THSD7B: variants seen among roughly 807,000 people sequenced by gnomAD.
THSD7B encodes the protein thrombospondin type-1 domain-containing protein 7B.
THSD7B carries 138 observed loss-of-function variants against 213.6 expected under a neutral mutation model. The observed-to-expected ratio is 0.65, with a 90% confidence interval of 0.56 to 0.74. The LOEUF (loss-of-function observed/expected upper bound fraction) is 0.74, where lower values mean the gene tolerates loss of function less well. Among genes scored for constraint, THSD7B ranks in the 30% least tolerant of loss-of-function variants. The pLI is 0.00. For synonymous variants in THSD7B, 742 were observed against 687.0 expected (o/e 1.08, Z -1.25); for missense variants, 1,931 against 1,991.5 (o/e 0.97, Z 0.58).
At chr2:136,864,760 G>C (rs1484153620) in intron 1 of THSD7B, among the ~76,000 whole-genome samples, 1 of 152,126 alleles carries the variant, frequency 6.6e-6, no homozygotes, top group Non-Finnish European at 1.5e-5. Flanking sequence ...CCCCATGTTA[G>C]CCAGGATGGT....
intron 2 of THSD7B, among the ~76,000 whole-genome samples, chr2:136,965,237 A>G (rs1238976339): frequency 6.6e-6 from 1 of 152,196 alleles, no homozygotes; most frequent in Non-Finnish European, 1.5e-5. Context: ...CATTCTCTGA[A>G]TAGGCCCTTT....
At chr2:137,209,889 A>G (rs369512237) in intron 7 of THSD7B, among the ~76,000 whole-genome samples, 30 of 152,108 alleles carry the variant, frequency 2.0e-4, no homozygotes, top group African/African-American at 7.2e-4. Flanking sequence ...AAGAATGATT[A>G]AGTTAAACTT....
At chr2:137,523,566 T>C (rs1680225294) in intron 15 of THSD7B, among the ~76,000 whole-genome samples, 1 of 152,182 alleles carries the variant, frequency 6.6e-6, no homozygotes, top group Non-Finnish European at 1.5e-5. Flanking sequence ...AAACTTGGAG[T>C]ATATGACAGA....
At chr2:137,053,473 A>G (rs937116290) in intron 2 of THSD7B, among the ~76,000 whole-genome samples, 2 of 152,154 alleles carry the variant, frequency 1.3e-5, no homozygotes, top group African/African-American at 4.8e-5. Flanking sequence ...AAGAAAGAGG[A>G]GATGAAATCT....
At chr2:136,784,686 T>C (rs369252064) in intron 1 of THSD7B, among the ~76,000 whole-genome samples, 27 of 152,216 alleles carry the variant, frequency 1.8e-4, no homozygotes, top group African/African-American at 6.3e-4. Flanking sequence ...ATATACAAGA[T>C]ACTTTTTTAT....
At chr2:137,551,960 C>A (rs542235809) in intron 15 of THSD7B, among the ~76,000 whole-genome samples, 1 of 152,242 alleles carries the variant, frequency 6.6e-6, no homozygotes, top group Admixed American at 6.5e-5. Context: ...CAGTGCTACC[C>A]TCTTGAGAGA....
chr2:137,466,448 C>T (rs1171722466), intron 15 of THSD7B, among the ~76,000 whole-genome samples: 1 of 152,070 alleles, frequency 6.6e-6, no homozygotes, highest in East Asian at 1.9e-4. Flanking sequence ...TGTGGCCCAA[C>T]ACAAATATGT....
intron 10 of THSD7B, among the ~76,000 whole-genome samples, chr2:137,247,757 T>C (rs1368347424): frequency 6.6e-6 from 1 of 151,956 alleles, no homozygotes; most frequent in Non-Finnish European, 1.5e-5. Context: ...ACCTCTTGAG[T>C]TTTCAGTATC....
chr2:137,459,312 G>A (rs1687832541), intron 15 of THSD7B, among the ~76,000 whole-genome samples: 1 of 152,134 alleles, frequency 6.6e-6, no homozygotes, highest in Admixed American at 6.6e-5. Context: ...TATTGTCACA[G>A]GTTCCTGCAG....
rs748718185 is a variant in THSD7B at position 137,284,738 on chromosome 2, A to T, written c.2500+8712A>T. On this transcript the variant is annotated intron_variant, in intron 12 of 27. Transcript: ENST00000409968. ...AGTGAGTTTCTTAATCCTGAGTTCT[A>T]ATTTGATTGCACTGTGGTCTGAGAG... Among the ~76,000 whole-genome samples, 17 of 152,014 alleles carry T rather than the reference A, an allele frequency of 1.1e-4. 1 individual carries two copies. Among genetic ancestry groups the T allele is most frequent in the Non-Finnish European group, 1.5e-4 (10 of 68,020 alleles).
intron 3 of THSD7B, among the ~76,000 whole-genome samples, chr2:137,094,090 T>A (rs560894150): frequency 1.3e-5 from 2 of 152,256 alleles, no homozygotes. Flanking sequence ...TATATTTACC[T>A]TTTTGATACT....
intron 12 of THSD7B, among the ~76,000 whole-genome samples, chr2:137,357,651 A>G (rs920044689): frequency 6.6e-6 from 1 of 152,180 alleles, no homozygotes; most frequent in South Asian, 2.1e-4. Flanking sequence ...TGAAAAATAA[A>G]TTTGGAGAAA....
intron 15 of THSD7B, among the ~76,000 whole-genome samples, chr2:137,531,430 TGTTA>T (rs1680395220): frequency 6.6e-6 from 1 of 151,908 alleles, no homozygotes; most frequent in Non-Finnish European, 1.5e-5. Context: ...GGGTGAGAAC[TGTTA>T]GTTTGAAATT....
chr2:136,877,701 C>T (rs918717317), intron 1 of THSD7B, among the ~76,000 whole-genome samples: 8 of 152,110 alleles, frequency 5.3e-5, no homozygotes, highest in Admixed American at 5.2e-4. Context: ...GACTCCACTA[C>T]AGACAACTTG....
intron 5 of THSD7B, among the ~76,000 whole-genome samples, chr2:137,133,500 T>G (rs981742630): frequency 6.6e-6 from 1 of 152,168 alleles, no homozygotes; most frequent in African/African-American, 2.4e-5. Context: ...CAGGGATTTT[T>G]TTTTTTAAAT....
In THSD7B at chr2:137,000,811, G is replaced by A. The variant is rs528406427; in HGVS notation, c.140-55609G>A. Among the ~76,000 whole-genome samples the A allele has an allele frequency of 3.3e-5, 5 of 152,192 alleles. No homozygotes were observed. In the South Asian group the frequency reaches 6.2e-4, roughly 19 times the overall value. On this transcript the variant is annotated intron_variant, in intron 2 of 27. Coordinates refer to ENST00000409968, the MANE Select transcript of THSD7B (RefSeq NM_001316349.2). ...GATAGCTACCAGGCATACCTTTGGA[G>A]ATGTTTTTATTTTATTTTTTATTTT...
At chr2:136,902,658 T>C (rs137870151) in intron 2 of THSD7B, among the ~76,000 whole-genome samples, 1 of 152,058 alleles carries the variant, frequency 6.6e-6, no homozygotes, top group South Asian at 2.1e-4. Context: ...ATCTAAACAG[T>C]AGAAAGTCAT....
intron 12 of THSD7B, among the ~76,000 whole-genome samples, chr2:137,404,420 G>T (rs1686446184): frequency 1.0e-5 from 1 of 98,982 alleles, no homozygotes; most frequent in South Asian, 3.5e-4. Context: ...AGTGGATAAA[G>T]AAACTCTGAG....
Position 137,487,145 on chromosome 2 carries a change from G to T in THSD7B, c.3138+36122G>T, listed in dbSNP as rs573285418. ...GCACTTTGGGAGGCCGAGGCGGGTGGATCATGAGGTCAGGAGATTGAGACC... is the reference window on the plus strand; with the variant it reads ...GCACTTTGGGAGGCCGAGGCGGGTGTATCATGAGGTCAGGAGATTGAGACC... On this transcript the variant is annotated intron_variant, in intron 15 of 27. Transcript: ENST00000409968. Among the ~76,000 whole-genome samples, 4 of 149,728 alleles carry T rather than the reference G, an allele frequency of 2.7e-5. No homozygotes were observed. In the East Asian group the frequency reaches 7.8e-4, roughly 29 times the overall value.
Sources: gnomAD v4.1 joint callset for allele counts (sites outside exome capture counted in the v4.1 genomes callset) on GRCh38, gnomAD v4.1.1 for gene constraint, MANE v1.5 for transcripts, NCBI Gene and HGNC (gene_info 2026-07-23, HGNC 2026-07-21) for gene names.